Variants in CDKN3 observed in about 807,000 individuals in gnomAD.
CDKN3 encodes the protein cyclin dependent kinase inhibitor 3, also known as cyclin-dependent kinase inhibitor 3.
CDKN3 carries 19 observed loss-of-function variants against 36.1 expected under a neutral mutation model. The ratio of observed to expected loss-of-function variants is 0.53; its 90% confidence interval spans 0.37 to 0.77. The LOEUF (loss-of-function observed/expected upper bound fraction) is 0.77. Among genes scored for constraint, CDKN3 ranks in the 30% least tolerant of loss-of-function variants. CDKN3 has a pLI of 0.00. For missense variants in CDKN3, 188 were observed against 248.6 expected, an observed-to-expected ratio of 0.76 and a Z score of 1.64; for synonymous variants, 71 against 85.3, an observed-to-expected ratio of 0.83 and a Z score of 0.92.
chr14:54,399,489 A>G (rs1886413603), intron 1 of CDKN3, among the ~76,000 whole-genome samples: 1 of 152,180 alleles, frequency 6.6e-6, no homozygotes, highest in Non-Finnish European at 1.5e-5. Flanking sequence ...AAGGCAGGCT[A>G]TTTATCTTAT....
intron 7 of CDKN3, among the ~76,000 whole-genome samples, chr14:54,419,337 G>A (rs1449068083): frequency 6.6e-6 from 1 of 152,126 alleles, no homozygotes; most frequent in Non-Finnish European, 1.5e-5. Context: ...TCAGCATTCT[G>A]TGGCAAACAG....
chr14:54,408,853 CTG>C, intron 4 of CDKN3, 64 bp downstream of exon 4: 1 of 1,476,772 alleles, frequency 6.8e-7, no homozygotes, highest in East Asian at 2.6e-5. Context: ...GAAAAACTCT[CTG>C]TCAAAAAGAA....
chr14:54,401,584 G>T lies in CDKN3; in HGVS notation c.148+5G>T, dbSNP rs753435974. 3 of 1,589,538 alleles carry T rather than the reference G, an allele frequency of 1.9e-6. No homozygotes were observed. Among genetic ancestry groups the T allele is most frequent in the African/African-American group, 1.3e-5 (1 of 74,248 alleles). ...TCGGTTTATGTGCTCTTCCAGGTGG[G>T]TAACACAATAATGGGCTTCCTATCA... On this transcript the variant is annotated splice_donor_5th_base_variant and intron_variant, in intron 3 of 7. Coordinates refer to ENST00000335183, the MANE Select transcript of CDKN3 (RefSeq NM_005192.4).
chr14:54,412,434 G>C (rs1183356981), intron 5 of CDKN3, among the ~76,000 whole-genome samples: 1 of 151,626 alleles, frequency 6.6e-6, no homozygotes, highest in Non-Finnish European at 1.5e-5. Context: ...TACCAAAAAA[G>C]TTACCTCTAA....
intron 4 of CDKN3, 25 bp downstream of exon 4, chr14:54,408,814 A>G: frequency 6.5e-7 from 1 of 1,532,362 alleles, no homozygotes; most frequent in Admixed American, 2.4e-5. Flanking sequence ...ACGCAACCAC[A>G]CTCATGGGTT....
intron 3 of CDKN3, among the ~76,000 whole-genome samples, chr14:54,404,961 G>A (rs2030106041): frequency 6.6e-6 from 1 of 151,722 alleles, no homozygotes; most frequent in Admixed American, 6.6e-5. Flanking sequence ...TGTGATGTTA[G>A]GGTGTCAATT....
At chr14:54,405,440 T>A (rs1364323783) in intron 3 of CDKN3, among the ~76,000 whole-genome samples, 2 of 152,096 alleles carry the variant, frequency 1.3e-5, no homozygotes, top group Non-Finnish European at 2.9e-5. Flanking sequence ...GACAGTGGGG[T>A]GTTAAAGTCT....
chr14:54,404,144 C>T (rs1442245778), intron 3 of CDKN3, among the ~76,000 whole-genome samples: 3 of 152,266 alleles, frequency 2.0e-5, no homozygotes, highest in Middle Eastern at 3.4e-3. Flanking sequence ...TGGTAGAATT[C>T]AGCTGTGAAT....
chr14:54,403,751 G>A (rs933431927), intron 3 of CDKN3, among the ~76,000 whole-genome samples: 4 of 152,144 alleles, frequency 2.6e-5, no homozygotes, highest in African/African-American at 7.2e-5. Context: ...TAGCATGAAG[G>A]GGTGTTGAAT....
chr14:54,403,270 C>T (rs887985223), intron 3 of CDKN3, among the ~76,000 whole-genome samples: 1 of 152,094 alleles, frequency 6.6e-6, no homozygotes, highest in Non-Finnish European at 1.5e-5. Flanking sequence ...CTTCACATAC[C>T]TTGTAAGTTT....
intron 3 of CDKN3, among the ~76,000 whole-genome samples, chr14:54,407,109 C>A (rs1262754370): frequency 6.6e-6 from 1 of 152,204 alleles, no homozygotes; most frequent in Non-Finnish European, 1.5e-5. Flanking sequence ...CCCTCTTCTG[C>A]AGGTCTGCTG....
intron 3 of CDKN3, among the ~76,000 whole-genome samples, chr14:54,405,668 T>A (rs1263426523): frequency 1.3e-5 from 2 of 151,992 alleles, no homozygotes; most frequent in African/African-American, 4.8e-5. Context: ...CAACCCTTGC[T>A]TTTTTTTGCA....
chr14:54,409,034 T>C (rs2030261838), intron 4 of CDKN3, among the ~76,000 whole-genome samples: 2 of 152,176 alleles, frequency 1.3e-5, no homozygotes, highest in Admixed American at 1.3e-4. Flanking sequence ...TAAACTACAT[T>C]TGAGGTTAGA....
At chr14:54,407,981 G>A (rs771654482) in intron 3 of CDKN3, among the ~76,000 whole-genome samples, 5 of 152,166 alleles carry the variant, frequency 3.3e-5, no homozygotes, top group South Asian at 2.1e-4. Context: ...CATCTTGCCC[G>A]GGAATCCCAC....
At chr14:54,413,897 T>C (rs943291952) in intron 5 of CDKN3, 5 of 1,195,762 alleles carry the variant, frequency 4.2e-6, no homozygotes, top group Non-Finnish European at 4.3e-6. Context: ...AAATTTCTTC[T>C]TTCCCATTTC....
At chr14:54,413,761 T>C in intron 5 of CDKN3, 12 of 1,472,140 alleles carry the variant, frequency 8.2e-6, no homozygotes, top group Non-Finnish European at 1.1e-5. Context: ...GCTGTCTCAC[T>C]GGTTCTGCCT....
At chr14:54,411,225 C>T in intron 4 of CDKN3, 1 of 337,416 alleles carries the variant, frequency 3.0e-6, no homozygotes, top group South Asian at 4.2e-5. Flanking sequence ...AAGCAGTATT[C>T]ATTGCAAAAA....
intron 3 of CDKN3, among the ~76,000 whole-genome samples, chr14:54,405,868 T>G (rs10139050): frequency 0.71 from 108,138 of 152,136 alleles, 38,468 homozygotes; most frequent in African/African-American, 0.73. Flanking sequence ...GTGTGAATTT[T>G]ATCCTGTCAT....
At chr14:54,414,610 G>A (rs1443750051) in intron 5 of CDKN3, among the ~76,000 whole-genome samples, 1 of 149,068 alleles carries the variant, frequency 6.7e-6, no homozygotes, top group Non-Finnish European at 1.5e-5. Flanking sequence ...CAGTGGCACT[G>A]TCATAGCTCA....
Sources: allele counts gnomAD v4.1 joint callset (sites outside exome capture counted in the v4.1 genomes callset), GRCh38; gene constraint gnomAD v4.1.1; transcripts MANE v1.5; gene names NCBI Gene and HGNC (gene_info 2026-07-23, HGNC 2026-07-21).